The following CDH23 variants were observed in gnomAD, a reference collection of about 807,000 sequenced individuals.
The protein encoded by CDH23 is cadherin related 23.
Under a neutral mutation model 317.1 loss-of-function variants are expected in CDH23, and 189 were observed. The ratio of observed to expected loss-of-function variants is 0.60; its 90% confidence interval spans 0.53 to 0.67. The LOEUF is 0.67. Ranked by LOEUF, CDH23 falls within the 30% of genes least tolerant of loss-of-function variation. CDH23 has a pLI of 0.00. For missense variants in CDH23, 4,401 were observed against 4,592.4 expected, an observed-to-expected ratio of 0.96 and a Z score of 1.20; for synonymous variants, 1,839 against 1,876.8, an observed-to-expected ratio of 0.98 and a Z score of 0.52.
At chr10:71,425,917 A>G (rs10823744) in intron 1 of CDH23, among the ~76,000 whole-genome samples, 2 of 151,870 alleles carry the variant, frequency 1.3e-5, no homozygotes, top group East Asian at 1.9e-4. Context: ...GGTTCTCAGC[A>G]TTGAGATTCC....
rs999292005 is a variant in CDH23, at chr10:71,511,119, G to A, written c.337-1G>A. ...CTAATTGCCCGCCTTTCTCTTGCCA[G>A]GTGATCACACGGAAGGTGAACATCC... is the stretch of plus-strand genomic sequence containing the variant. On this transcript the variant is annotated splice_acceptor_variant, in intron 5 of 69. Transcript: ENST00000224721. LOFTEE classifies it high-confidence loss of function. 6.2e-7 allele frequency: 1 copy of A among 1,613,292 alleles called. No individual in the cohort carries two copies. Among genetic ancestry groups the A allele is most frequent in the Non-Finnish European group, 8.5e-7 (1 of 1,179,484 alleles).
At chr10:71,689,143 G>GTA (rs1865078622) in intron 19 of CDH23, among the ~76,000 whole-genome samples, 1 of 39,014 alleles carries the variant, frequency 2.6e-5, no homozygotes, top group African/African-American at 5.7e-5. Flanking sequence ...GGAGCCAGGG[G>GTA]TGGTGGAGTC....
chr10:71,439,367 G>A (rs186361691), intron 1 of CDH23, among the ~76,000 whole-genome samples: 99 of 152,302 alleles, frequency 6.5e-4, no homozygotes, highest in African/African-American at 2.3e-3. Context: ...GACTTGCCAA[G>A]CCCCCTGTTA....
At chr10:71,676,668 T>A (rs934252981) in intron 15 of CDH23, among the ~76,000 whole-genome samples, 15 of 152,184 alleles carry the variant, frequency 9.9e-5, no homozygotes, top group African/African-American at 3.6e-4. Flanking sequence ...CATCTGTCCA[T>A]TCTCTGTCAC....
At chr10:71,483,676 T>G (rs1241749203) in intron 3 of CDH23, among the ~76,000 whole-genome samples, 1 of 152,224 alleles carries the variant, frequency 6.6e-6, no homozygotes, top group African/African-American at 2.4e-5. Context: ...GGGCTCAGCC[T>G]TTTAGGTGCA....
rs766343084 is a variant in CDH23, at chr10:71,677,582, C to G, written c.1641C>G (p.Val547=). 9 of 1,609,974 alleles carry G rather than the reference C, an allele frequency of 5.6e-6. No homozygotes were observed. The African/African-American group carries it at 1.1e-4, about 19-fold the overall frequency. ...DGGGEETTGR[V]RINVLDVNDN... ...GCGGCGAGGAGACCACAGGCCGGGT[C>G]AGGATCAATGTGTTGGATGTCAACG... The change falls in exon 16 of 70, where the codon GTC becomes GTG. Residue 547 remains valine, a synonymous_variant. Coordinates refer to ENST00000224721, the MANE Select transcript of CDH23 (RefSeq NM_022124.6).
intron 24 of CDH23, 84 bp downstream of exon 24, chr10:71,702,778 A>G (rs947198927): frequency 2.3e-5 from 35 of 1,519,166 alleles, no homozygotes; most frequent in Non-Finnish European, 3.0e-5. Flanking sequence ...AAAACTTTGC[A>G]GGGCTGGGGC....
chr10:71,743,811 A>G (rs1379976886), intron 38 of CDH23, among the ~76,000 whole-genome samples: 1 of 152,226 alleles, frequency 6.6e-6, no homozygotes, highest in Non-Finnish European at 1.5e-5. Flanking sequence ...ATCAAAATGC[A>G]TTTTCCTACA....
At chr10:71,789,526 A>G (rs529509788) in intron 45 of CDH23, among the ~76,000 whole-genome samples, 6 of 152,118 alleles carry the variant, frequency 3.9e-5, no homozygotes, top group Admixed American at 3.3e-4. Context: ...CCAGAGGGAC[A>G]GAATCTCCTC....
At position 71,810,569 on chromosome 10, in the gene CDH23, G is replaced by A. The variant is rs372632103; in HGVS notation, c.9077G>A (p.Arg3026Gln). The A allele has an allele frequency of 2.6e-5, 42 of 1,613,498 alleles. No individual in the cohort carries two copies. The South Asian group carries it at 3.7e-4, about 14-fold the overall frequency. ...ACCAACCGCATCCTGGACGTGGACC[G>A]GTGAGTCGGGGCCTGTGTTTGGACT... ...RDTNRILDVDRVIQMIDENKE... is the reference protein window; with the variant it reads ...RDTNRILDVDQVIQMIDENKE... The change falls in exon 62 of 70, where the codon CGG becomes CAG. Residue 3026 changes from arginine to glutamine, a missense_variant and splice_region_variant. Arg to Gln is a conservative substitution (Grantham distance 43). Coordinates refer to ENST00000224721, the MANE Select transcript of CDH23 (RefSeq NM_022124.6).
rs1487599802 is a variant in CDH23 at position 71,759,818 on chromosome 10, T to TACAC, written c.4846-17861_4846-17860insCACA. ...CAGAGTGAAACCGTGTTTCAGAAAA[T>TACAC]ATACACACACACACACACACACACA... On this transcript the variant is annotated intron_variant, in intron 38 of 69. Transcript: ENST00000224721. Among the ~76,000 whole-genome samples, 15 of 50,820 alleles carry TACAC rather than the reference T, an allele frequency of 3.0e-4. 3 individuals carry two copies. Among genetic ancestry groups the TACAC allele is most frequent in the African/African-American group, 7.5e-4 (10 of 13,330 alleles). The allele number at this position is 50,820 out of a possible 152,430, so 33.3% of individuals were successfully genotyped here. A position where few individuals can be genotyped will look rare whatever the true frequency, so the allele number is the denominator to read the frequency against.
intron 14 of CDH23, among the ~76,000 whole-genome samples, chr10:71,651,047 G>A (rs1863144118): frequency 6.6e-6 from 1 of 152,222 alleles, no homozygotes; most frequent in African/African-American, 2.4e-5. Flanking sequence ...AAAGTTTATA[G>A]TCTTCCAGGA....
chr10:71,808,000 C>A lies in CDH23; in HGVS notation c.8715C>A (p.Phe2905Leu). 6.3e-7 allele frequency: 1 copy of A among 1,585,778 alleles called. No individual in the cohort carries two copies. The change falls in exon 60 of 70, where the codon TTC becomes TTA. Residue 2905 changes from phenylalanine to leucine, a missense_variant. Around this residue, in one of 3 missense-constraint regions of CDH23, gnomAD observed 1,144 missense variants for 1,138.2 expected, o/e 1.01. Coordinates refer to ENST00000224721, the MANE Select transcript of CDH23 (RefSeq NM_022124.6). ...ACTCTGAAGATGTGGGCCAGGTCTT[C>A]ACCATGGGTAGGGCCTGGCAGCACA... Reference protein sequence around the residue: ...ANDSEDVGQVFTMGSMDGILR... With the variant: ...ANDSEDVGQVLTMGSMDGILR...
At chr10:71,513,955 C>T (rs1370788846) in intron 6 of CDH23, among the ~76,000 whole-genome samples, 1 of 152,142 alleles carries the variant, frequency 6.6e-6, no homozygotes, top group East Asian at 1.9e-4. Context: ...CTGTTGTGTG[C>T]AGAACCCAAG....
chr10:71,534,420 A>G (rs1229697951), intron 6 of CDH23, among the ~76,000 whole-genome samples: 1 of 152,166 alleles, frequency 6.6e-6, no homozygotes, highest in African/African-American at 2.4e-5. Flanking sequence ...TCGCTGCGGA[A>G]TCCCCACAGC....
intron 14 of CDH23, among the ~76,000 whole-genome samples, chr10:71,669,110 A>C (rs1864035105): frequency 6.6e-6 from 1 of 152,172 alleles, no homozygotes; most frequent in Admixed American, 6.5e-5. Context: ...CTGAGCGCTG[A>C]GCGGCCATTG....
At chr10:71,739,100 C>T (rs546893034) in intron 35 of CDH23, among the ~76,000 whole-genome samples, 166 of 152,142 alleles carry the variant, frequency 1.1e-3, no homozygotes, top group African/African-American at 3.8e-3. Context: ...TGCATTAGGC[C>T]GTGTGTTTGC....
intron 8 of CDH23, 107 bp downstream of exon 8, chr10:71,571,025 C>T (rs1247352299): frequency 1.6e-6 from 2 of 1,252,568 alleles, no homozygotes; most frequent in Non-Finnish European, 2.3e-6. Context: ...CTCCTTGGCT[C>T]CTCCGCAGTC....
At chr10:71,404,576 G>A (rs574990079) in intron 1 of CDH23, among the ~76,000 whole-genome samples, 1 of 152,380 alleles carries the variant, frequency 6.6e-6, no homozygotes, top group African/African-American at 2.4e-5. Context: ...GAGTAAGCTT[G>A]TTCAAGGAAC....
Sources: gnomAD v4.1 joint callset for allele counts (sites outside exome capture counted in the v4.1 genomes callset) on GRCh38, gnomAD v4.1.1 for gene constraint, gnomAD v4.1.1 regional missense constraint, MANE v1.5 for transcripts, NCBI Gene and HGNC (gene_info 2026-07-23, HGNC 2026-07-21) for gene names.